ESR1: variants seen among roughly 807,000 people sequenced by gnomAD.
ESR1 encodes the protein estrogen receptor.
ESR1 carries 12 observed loss-of-function variants against 52.7 expected under a neutral mutation model. The ratio of observed to expected loss-of-function variants is 0.23; its 90% CI spans 0.15 to 0.37. The LOEUF is 0.37. ESR1 is among the 10% of genes least tolerant of loss of function. ESR1 has a pLI of 1.00. For synonymous variants in ESR1, 305 were observed against 316.8 expected, an observed-to-expected ratio of 0.96 and a Z score of 0.39; for missense variants, 584 against 779.7, an observed-to-expected ratio of 0.75 and a Z score of 2.99.
At chr6:151,815,791 T>G (rs886894561) in intron 1 of ESR1, among the ~76,000 whole-genome samples, 1 of 152,220 alleles carries the variant, frequency 6.6e-6, no homozygotes, top group African/African-American at 2.4e-5. Context: ...TTGAGTTATA[T>G]GACGTATATG....
intron 2 of ESR1, among the ~76,000 whole-genome samples, chr6:151,848,966 A>G (rs1380477912): frequency 2.6e-5 from 4 of 151,868 alleles, no homozygotes; most frequent in Admixed American, 2.0e-4. Flanking sequence ...ATTTTTTGCT[A>G]TTCCCCCCAA....
chr6:151,976,305 G>T (rs1409062376), intron 4 of ESR1, among the ~76,000 whole-genome samples: 2 of 152,132 alleles, frequency 1.3e-5, no homozygotes, highest in African/African-American at 4.8e-5. Context: ...ATTCTATTCT[G>T]TTTATGTGAG....
At chr6:151,832,253 G>A (rs1393118240) in intron 1 of ESR1, among the ~76,000 whole-genome samples, 3 of 152,088 alleles carry the variant, frequency 2.0e-5, no homozygotes, top group African/African-American at 7.2e-5. Flanking sequence ...CATGGTTAGG[G>A]TTTGCCCAAA....
chr6:152,122,964 A>C (rs555362560), intron 6 of ESR1, among the ~76,000 whole-genome samples: 2 of 152,350 alleles, frequency 1.3e-5, no homozygotes, highest in African/African-American at 4.8e-5. Flanking sequence ...TTTTCTATCA[A>C]CGAAAATAAC....
intron 4 of ESR1, among the ~76,000 whole-genome samples, chr6:151,979,308 T>C (rs1440390639): frequency 6.6e-6 from 1 of 152,150 alleles, no homozygotes; most frequent in African/African-American, 2.4e-5. Flanking sequence ...TAAAAGCCCA[T>C]CTTCTAGAAC....
intron 4 of ESR1, among the ~76,000 whole-genome samples, chr6:151,954,032 A>G (rs1007932085): frequency 2.6e-5 from 4 of 151,990 alleles, no homozygotes; most frequent in Admixed American, 6.6e-5. Flanking sequence ...AATTACCCCC[A>G]TTAGGCATTT....
At chr6:152,062,111 G>C (rs1054183401) in intron 6 of ESR1, among the ~76,000 whole-genome samples, 3 of 152,100 alleles carry the variant, frequency 2.0e-5, no homozygotes, top group Non-Finnish European at 2.9e-5. Flanking sequence ...ATTGCAGCTT[G>C]TATTGATCAC....
At chr6:152,004,609 A>T (rs950705039) in intron 4 of ESR1, among the ~76,000 whole-genome samples, 1 of 151,988 alleles carries the variant, frequency 6.6e-6, no homozygotes, top group Admixed American at 6.6e-5. Context: ...GTTGGCTTTT[A>T]GTTGAGATAT....
intron 2 of ESR1, among the ~76,000 whole-genome samples, chr6:151,756,755 C>A (rs1279838708): frequency 6.6e-6 from 1 of 152,052 alleles, no homozygotes; most frequent in Non-Finnish European, 1.5e-5. Context: ...TTTGGGAGGC[C>A]GAGGCGGGCA....
chr6:151,953,405 A>G (rs576727610), intron 4 of ESR1, among the ~76,000 whole-genome samples: 1 of 152,208 alleles, frequency 6.6e-6, no homozygotes, highest in East Asian at 1.9e-4. Context: ...CTCTAATGAG[A>G]GCTAAGTGAG....
At chr6:151,815,033 A>C (rs545141345) in intron 1 of ESR1, among the ~76,000 whole-genome samples, 1 of 152,236 alleles carries the variant, frequency 6.6e-6, no homozygotes, top group Non-Finnish European at 1.5e-5. Context: ...CATTCAGTGC[A>C]TTCATGATTA....
In ESR1 at chr6:151,868,133, T is replaced by C. The variant is rs1790287600; in HGVS notation, c.644-12522T>C. On this transcript the variant is annotated intron_variant, in intron 2 of 7. Transcript: ENST00000206249. ...TTTTGTTTTCTTTGTTTTTTTTTGT[T>C]TGTTTGTTTTTTGAGATGGAGTCTC... 3.3e-5 allele frequency among the ~76,000 whole-genome samples: 5 copies of C among 151,802 alleles called. 1 individual carries two copies. The highest frequency in any genetic ancestry group is 2.1e-4 in the South Asian group (1 of 4,804).
At chr6:151,981,482 G>T (rs1004681769) in intron 4 of ESR1, among the ~76,000 whole-genome samples, 1 of 152,086 alleles carries the variant, frequency 6.6e-6, no homozygotes. Context: ...GGAAACTTTC[G>T]ACCCAAGGGA....
chr6:151,726,710 A>G (rs1374366863), intron 2 of ESR1, among the ~76,000 whole-genome samples: 1 of 152,240 alleles, frequency 6.6e-6, no homozygotes, highest in African/African-American at 2.4e-5. Context: ...CATATTGTCC[A>G]TGTATCTGCC....
At chr6:151,899,382 G>T (rs1796207835) in intron 3 of ESR1, among the ~76,000 whole-genome samples, 1 of 133,694 alleles carries the variant, frequency 7.5e-6, no homozygotes, top group African/African-American at 3.1e-5. Flanking sequence ...GGACGGGGCG[G>T]CTGGCCGGGC....
intron 1 of ESR1, among the ~76,000 whole-genome samples, chr6:151,701,496 T>C (rs1779779291): frequency 1.6e-5 from 2 of 127,854 alleles, no homozygotes; most frequent in African/African-American, 3.2e-5. Flanking sequence ...ACCGTTGCAC[T>C]CCAATCTGGG....
upstream of ESR1, among the ~76,000 whole-genome samples, chr6:151,690,129 C>T (rs1315582463): frequency 6.6e-6 from 1 of 152,172 alleles, no homozygotes; most frequent in Non-Finnish European, 1.5e-5. Context: ...CCAAAAAACA[C>T]TCACAGAAGA....
chr6:151,744,634 A>G (rs141035458), intron 2 of ESR1, among the ~76,000 whole-genome samples: 6 of 152,284 alleles, frequency 3.9e-5, no homozygotes, highest in African/African-American at 1.4e-4. Flanking sequence ...CAAATATATG[A>G]TTTGTAAATA....
In ESR1 at chr6:152,099,290, A is replaced by T; in HGVS notation, c.*324A>T. The T allele has an allele frequency of 2.2e-6, 1 of 456,300 alleles. No homozygotes were observed. Among genetic ancestry groups the T allele is most frequent in the East Asian group, 3.8e-5 (1 of 26,038 alleles). 28.3% of individuals were successfully genotyped at this position (456,300 alleles called of 1,614,324 possible). A position where few individuals can be genotyped will look rare whatever the true frequency, so the allele number is the denominator to read the frequency against. On this transcript the variant is annotated 3_prime_UTR_variant, in exon 8 of 8. Transcript: ENST00000206249. ...GGTTGGGGCTCAGATAACTCTGTGC[A>T]TTTAAGCTACTTGTAGAGACCCAGG... is the stretch of plus-strand genomic sequence containing the variant.
Sources: gnomAD v4.1 joint callset for allele counts (sites outside exome capture counted in the v4.1 genomes callset) on GRCh38, gnomAD v4.1.1 for gene constraint, MANE v1.5 for transcripts, NCBI Gene and HGNC (gene_info 2026-07-23, HGNC 2026-07-21) for gene names.